C1QTNF6: variants seen among roughly 807,000 people sequenced by gnomAD.
The protein encoded by C1QTNF6 is C1q and TNF related 6.
C1QTNF6 carries 17 observed loss-of-function variants against 20.7 expected under a neutral mutation model. The ratio of observed to expected loss-of-function variants is 0.82; its 90% CI spans 0.56 to 1.23. C1QTNF6 has a LOEUF of 1.23. C1QTNF6 is among the 50% of genes most tolerant of loss of function. The probability of loss-of-function intolerance (pLI) is 0.00; values close to 1 mark genes in which losing one functional copy is unlikely to be tolerated. For missense variants in C1QTNF6, 329 were observed against 389.7 expected (o/e 0.84, Z 1.31); for synonymous variants, 130 against 156.3 (o/e 0.83, Z 1.25).
intron 1 of C1QTNF6, chr22:37,186,058 G>A (rs1265487953): frequency 8.2e-5 from 81 of 985,398 alleles, no homozygotes; most frequent in Non-Finnish European, 9.8e-5. Context: ...TGAAAAAAAA[G>A]AGATAAGAGA....
At chr22:37,199,191 C>A (rs1250302504), upstream of C1QTNF6, 1 of 152,264 alleles carries the variant, frequency 6.6e-6, no homozygotes, top group African/African-American at 2.4e-5. Context: ...TCCCTTTCTC[C>A]CTGCAAAACG....
At chr22:37,188,323 G>GAGTGAGA, upstream of C1QTNF6, 1 of 856,476 alleles carries the variant, frequency 1.2e-6, no homozygotes, top group Non-Finnish European at 1.7e-6. Context: ...GAGGGCGGAG[G>GAGTGAGA]GAGGGCGGAG....
rs772731645 is a variant in C1QTNF6 at position 37,182,270 on chromosome 22, T to G, written c.755A>C (p.Gln252Pro). The change falls in exon 3 of 3, where the codon CAG becomes CCG. Residue 252 changes from glutamine (Q) to proline (P), a missense_variant. Gln to Pro is a moderately conservative substitution (Grantham distance 76, BLOSUM62 -1). Transcript: ENST00000337843. Reference protein sequence around the residue: ...DRVWVRLFKRQRENAIYSNDF... With the variant: ...DRVWVRLFKRPRENAIYSNDF... ...GTTGCTGTAGATGGCGTTCTCGCGC[T>G]GGCGCTTGAAGAGCCGCACCCAGAC... 6.2e-7 allele frequency: 1 copy of G among 1,614,242 alleles called. No homozygotes were observed. The highest frequency in any genetic ancestry group is 1.1e-5 in the South Asian group (1 of 91,088).
intron 1 of C1QTNF6, chr22:37,197,353 G>A (rs562699960): frequency 6.6e-6 from 1 of 152,378 alleles, no homozygotes; most frequent in East Asian, 1.9e-4. Flanking sequence ...CACTGGAGAG[G>A]GAGACAGCTC....
chr22:37,185,877 C>G, intron 1 of C1QTNF6: 8 of 988,014 alleles, frequency 8.1e-6, no homozygotes, highest in Non-Finnish European at 9.6e-6. Flanking sequence ...GCACCTCCCT[C>G]TGGCACTTTC....
At chr22:37,183,548 C>T (rs963389725) in intron 2 of C1QTNF6, among the ~76,000 whole-genome samples, 6 of 152,360 alleles carry the variant, frequency 3.9e-5, no homozygotes, top group East Asian at 1.9e-4. Flanking sequence ...TGGAGGGACC[C>T]GACCTCACAT....
chr22:37,193,881 C>A (rs1924966188), intron 2 of C1QTNF6, among the ~76,000 whole-genome samples: 1 of 152,170 alleles, frequency 6.6e-6, no homozygotes, highest in Non-Finnish European at 1.5e-5. Context: ...AGGACTCATT[C>A]CCTAAGGTGG....
rs556828962 is a variant in C1QTNF6, at chr22:37,184,167, C to G, written c.289+1051G>C. 7.6e-4 allele frequency among the ~76,000 whole-genome samples: 116 copies of G among 152,230 alleles called. No individual in the cohort carries two copies. Among genetic ancestry groups the G allele is most frequent in the South Asian group, 3.7e-3 (18 of 4,824 alleles). On this transcript the variant is annotated intron_variant, in intron 2 of 2. Transcript: ENST00000337843. The surrounding 1 kb of genome is among the most constrained non-coding windows in gnomAD (Gnocchi z 4.0). ...GGTGTGAGGAAGAGCAACGTCCTCA[C>G]CACGAAATCAGAACAAGGGCAGGCC...
At position 37,185,265 on chromosome 22, in the gene C1QTNF6, T is replaced by C; in HGVS notation, c.242A>G (p.His81Arg). Residue 81 changes from histidine to arginine, a missense_variant, in exon 2 of 3, where the codon CAC becomes CGC. His to Arg is a conservative substitution (Grantham distance 29). Transcript: ENST00000337843. ...VSSASSSGRP[H>R]ALPEIRPYIN... Reference sequence around the variant, plus strand: ...GTAGGGTCTGATCTCAGGCAGGGCGTGGGGGCGGCCGGAGGAAGAGGCTGA... The same window carrying C: ...GTAGGGTCTGATCTCAGGCAGGGCGCGGGGGCGGCCGGAGGAAGAGGCTGA... The C allele has an allele frequency of 1.2e-6, 2 of 1,605,620 alleles. No homozygotes were observed. The highest frequency in any genetic ancestry group is 2.2e-5 in the East Asian group (1 of 44,666).
intron 1 of C1QTNF6, 51 bp from the exon 2 acceptor site, chr22:37,185,506 TGTGCCGATGCCTGGG>T (rs1924244639): frequency 6.7e-7 from 1 of 1,503,398 alleles, no homozygotes; most frequent in Admixed American, 2.0e-5. Flanking sequence ...ACATCTACTA[TGTGCCGATGCCTGGG>T]GTGGGCGGGT....
upstream of C1QTNF6, chr22:37,188,491 C>CA: frequency 2.8e-6 from 1 of 355,738 alleles, no homozygotes; most frequent in Non-Finnish European, 5.1e-6. Context: ...AAAGTCAGAG[C>CA]AGGCAGGAGT....
intron 1 of C1QTNF6, chr22:37,195,666 T>C (rs944787240): frequency 1.3e-5 from 2 of 152,232 alleles, no homozygotes; most frequent in Non-Finnish European, 2.9e-5. Flanking sequence ...TTCTTGATTA[T>C]ATGCTAAACA....
intron 1 of C1QTNF6, among the ~76,000 whole-genome samples, chr22:37,187,021 G>T (rs1222773618): frequency 6.6e-6 from 1 of 152,112 alleles, no homozygotes; most frequent in Non-Finnish European, 1.5e-5. Context: ...TTCGAGACCA[G>T]TCTGGGCAAC....
chr22:37,181,981 C>T lies in C1QTNF6; in HGVS notation c.*207G>A, dbSNP rs572098795. On this transcript the variant is annotated 3_prime_UTR_variant, in exon 3 of 3. Transcript: ENST00000337843. ...GTTCTAGAATATTTAGGTTAGCAAG[C>T]TTCTTAAAATAGGTCCAAGAGAGAA... 5.0e-6 allele frequency: 3 copies of T among 596,596 alleles called. No homozygotes were observed. Among genetic ancestry groups the T allele is most frequent in the Admixed American group, 3.3e-5 (1 of 29,902 alleles). The allele number at this position is 596,596 out of a possible 1,614,324, so 37.0% of individuals were successfully genotyped here.
intron 1 of C1QTNF6, among the ~76,000 whole-genome samples, chr22:37,186,554 C>G (rs1924362546): frequency 6.6e-6 from 1 of 152,208 alleles, no homozygotes; most frequent in South Asian, 2.1e-4. Flanking sequence ...TGGTGAGGAT[C>G]TGTCTCTGGC....
upstream of C1QTNF6, among the ~76,000 whole-genome samples, chr22:37,192,668 A>C (rs1601638699): frequency 1.3e-5 from 2 of 152,344 alleles, no homozygotes; most frequent in South Asian, 4.1e-4. Context: ...AGTCATGTGA[A>C]CCAAAAGGCA....
Position 37,185,232 on chromosome 22 carries a change from A to T in C1QTNF6, c.275T>A (p.Ile92Asn). 18 of 1,567,012 alleles carry T rather than the reference A, an allele frequency of 1.1e-5. No homozygotes were observed. Among genetic ancestry groups the T allele is most frequent in the Non-Finnish European group, 1.6e-5 (18 of 1,152,416 alleles). Reference sequence around the variant, plus strand: ...AGGGCACTCACCCTTCAGGATGGTGATATTAATGTAGGGTCTGATCTCAGG... The same window carrying T: ...AGGGCACTCACCCTTCAGGATGGTGTTATTAATGTAGGGTCTGATCTCAGG... Reference protein sequence around the residue: ...ALPEIRPYINITILKGDKGDP... With the variant: ...ALPEIRPYINNTILKGDKGDP... Residue 92 changes from isoleucine (I) to asparagine (N), a missense_variant, in exon 2 of 3, where the codon ATC (isoleucine) becomes AAC (asparagine). Coordinates refer to ENST00000337843, the MANE Select transcript of C1QTNF6 (RefSeq NM_031910.4).
At chr22:37,188,740 C>G (rs1283551808), upstream of C1QTNF6, among the ~76,000 whole-genome samples, 1 of 152,254 alleles carries the variant, frequency 6.6e-6, no homozygotes, top group Non-Finnish European at 1.5e-5. Context: ...TGTTCCAGAA[C>G]TGCAGTCCTC....
chr22:37,181,867 G>A lies in C1QTNF6; in HGVS notation c.*321C>T, dbSNP rs1923794356. 5.4e-6 allele frequency: 2 copies of A among 373,218 alleles called. No individual in the cohort carries two copies. Among genetic ancestry groups the A allele is most frequent in the South Asian group, 6.5e-5 (2 of 30,658 alleles). 23.1% of individuals were successfully genotyped at this position (373,218 alleles called of 1,614,324 possible). ...CAGAATCCTGGACCCACTCAGACCTGCTGAGTCAGAATCTGCATTTAACAC... is the reference window on the plus strand; with the variant it reads ...CAGAATCCTGGACCCACTCAGACCTACTGAGTCAGAATCTGCATTTAACAC... On this transcript the variant is annotated 3_prime_UTR_variant, in exon 3 of 3. Coordinates refer to ENST00000337843, the MANE Select transcript of C1QTNF6 (RefSeq NM_031910.4).
Sources: gnomAD v4.1 joint callset for allele counts (sites outside exome capture counted in the v4.1 genomes callset) on GRCh38, gnomAD v4.1.1 for gene constraint, Gnocchi (gnomAD v3.1) non-coding constraint, MANE v1.5 for transcripts, NCBI Gene and HGNC (gene_info 2026-07-23, HGNC 2026-07-21) for gene names.